ABLIM2: variants seen among roughly 807,000 people sequenced by gnomAD.
ABLIM2 encodes actin-binding LIM protein 2.
A neutral mutation model predicts 97.7 loss-of-function variants in ABLIM2; 53 were observed. The observed-to-expected ratio is 0.54, with a 90% CI of 0.44 to 0.68. ABLIM2 has a LOEUF of 0.68. Ranked by LOEUF, ABLIM2 falls within the 30% of genes least tolerant of loss-of-function variation. ABLIM2 has a pLI of 0.00. For missense variants in ABLIM2, 835 were observed against 867.2 expected, an observed-to-expected ratio of 0.96 and a Z score of 0.47; for synonymous variants, 361 against 345.8, an observed-to-expected ratio of 1.04 and a Z score of -0.49.
Position 8,130,553 on chromosome 4 carries a change from C to T in ABLIM2, c.11-23916G>A, listed in dbSNP as rs555887219. On this transcript the variant is annotated intron_variant, in intron 1 of 20. Transcript: ENST00000447017. The surrounding 1 kb of genome is among the most constrained non-coding windows in gnomAD (Gnocchi z 4.2). Reference sequence around the variant, plus strand: ...CGAGACACTGTGAGGTGGCGCCACGCTTGGCCCCGCATTACTGGGACTTGA... The same window carrying T: ...CGAGACACTGTGAGGTGGCGCCACGTTTGGCCCCGCATTACTGGGACTTGA... 1.3e-5 allele frequency among the ~76,000 whole-genome samples: 2 copies of T among 152,118 alleles called. No individual in the cohort carries two copies. Among genetic ancestry groups the T allele is most frequent in the African/African-American group, 4.8e-5 (2 of 41,492 alleles).
intron 8 of ABLIM2, among the ~76,000 whole-genome samples, chr4:8,051,521 G>C (rs1404199936): frequency 2.1e-5 from 3 of 141,202 alleles, no homozygotes; most frequent in Non-Finnish European, 3.0e-5. Context: ...CACGCCACTG[G>C]CCACTGCACT....
At chr4:7,984,994 C>G (rs963745801) in intron 17 of ABLIM2, 101 bp from the exon 18 acceptor site, 20 of 1,271,822 alleles carry the variant, frequency 1.6e-5, no homozygotes, top group African/African-American at 2.9e-5. Context: ...CCGAGGTCCT[C>G]GTGCTGCCTG....
intron 2 of ABLIM2, among the ~76,000 whole-genome samples, chr4:8,105,423 T>C (rs1368459869): frequency 6.6e-6 from 1 of 152,244 alleles, no homozygotes; most frequent in Non-Finnish European, 1.5e-5. Context: ...TTCAAGAGCC[T>C]GGCGCACAGC....
chr4:8,157,016 C>T (rs539950630), intron 1 of ABLIM2, among the ~76,000 whole-genome samples: 3 of 152,310 alleles, frequency 2.0e-5, no homozygotes, highest in African/African-American at 7.2e-5. Context: ...CCCAAACTAC[C>T]GAGGGCCTCC....
In ABLIM2 at chr4:8,124,391, G is replaced by T. The variant is rs1413324710; in HGVS notation, c.11-17754C>A. 3.3e-5 allele frequency among the ~76,000 whole-genome samples: 5 copies of T among 152,198 alleles called. No homozygotes were observed. Among genetic ancestry groups the T allele is most frequent in the Non-Finnish European group, 7.3e-5 (5 of 68,032 alleles). On this transcript the variant is annotated intron_variant, in intron 1 of 20. Coordinates refer to ENST00000447017, the MANE Select transcript of ABLIM2 (RefSeq NM_001130083.2). The surrounding 1 kb of genome is among the most constrained non-coding windows in gnomAD (Gnocchi z 6.1). ...TAGAAAATTTCCATCACCCCAAAAA[G>T]AAATGCTGCATCCTTTACTGTCACT...
intron 20 of ABLIM2, among the ~76,000 whole-genome samples, chr4:7,982,331 C>T (rs1035673767): frequency 1.3e-5 from 2 of 152,240 alleles, no homozygotes; most frequent in African/African-American, 4.8e-5. Context: ...GTCCCCTTTC[C>T]TTCAGGAGCC....
intron 6 of ABLIM2, among the ~76,000 whole-genome samples, chr4:8,074,198 A>G (rs2152372786): frequency 6.6e-6 from 1 of 152,106 alleles, no homozygotes; most frequent in South Asian, 2.1e-4. Context: ...TCACACCCCT[A>G]ATCCCAGCAC....
In ABLIM2 at chr4:8,113,845, G is replaced by A. The variant is rs1226085154; in HGVS notation, c.11-7208C>T. Among the ~76,000 whole-genome samples the A allele has an allele frequency of 6.6e-6, 1 of 152,230 alleles. No individual in the cohort carries two copies. The highest frequency in any genetic ancestry group is 1.5e-5 in the Non-Finnish European group (1 of 68,038). The stretch of plus-strand genomic sequence containing the variant: ...CCCAGAGCGGGTCACAGGACACACA[G>A]TTCCAGCTTCCCTTTCACACCTTTC... On this transcript the variant is annotated intron_variant, in intron 1 of 20. Transcript: ENST00000447017. This position sits in a 1 kb window ranked among gnomAD's most constrained non-coding sequence, Gnocchi z 4.5.
At chr4:8,154,946 G>T (rs746896932) in intron 1 of ABLIM2, among the ~76,000 whole-genome samples, 26 of 152,224 alleles carry the variant, frequency 1.7e-4, no homozygotes, top group Non-Finnish European at 3.1e-4. Flanking sequence ...GCAAGAGAGC[G>T]TGTGCAGGGG....
intron 14 of ABLIM2, among the ~76,000 whole-genome samples, chr4:8,009,791 C>G (rs1020126031): frequency 2.0e-5 from 3 of 152,196 alleles, no homozygotes; most frequent in African/African-American, 7.2e-5. Context: ...GCGAGGGGCT[C>G]TGGATACGCC....
At chr4:7,977,282 AG>A (rs1198223983) in intron 20 of ABLIM2, among the ~76,000 whole-genome samples, 1 of 152,180 alleles carries the variant, frequency 6.6e-6, no homozygotes, top group Admixed American at 6.5e-5. Flanking sequence ...CAGAACTGTG[AG>A]CAAATTAAAC....
intron 1 of ABLIM2, among the ~76,000 whole-genome samples, chr4:8,154,891 G>A (rs55662583): frequency 6.6e-6 from 1 of 152,342 alleles, no homozygotes; most frequent in African/African-American, 2.4e-5. Flanking sequence ...CGCAATCATG[G>A]CGGAAGACGA....
At position 8,015,484 on chromosome 4, in the gene ABLIM2, C is replaced by A. The variant is rs530474936; in HGVS notation, c.1423+4134G>T. 9.7e-4 allele frequency among the ~76,000 whole-genome samples: 147 copies of A among 152,246 alleles called. No homozygotes were observed. Among genetic ancestry groups the A allele is most frequent in the Admixed American group, 6.9e-3 (105 of 15,292 alleles). On this transcript the variant is annotated intron_variant, in intron 14 of 20. Transcript: ENST00000447017. The surrounding 1 kb of genome is among the most constrained non-coding windows in gnomAD (Gnocchi z 4.6). ...GTCCCCAAACCAAAATGAGACTCCACCCTTTGAGGTCAAAAAGGACCCAAA... is the reference window on the plus strand; with the variant it reads ...GTCCCCAAACCAAAATGAGACTCCAACCTTTGAGGTCAAAAAGGACCCAAA...
intron 1 of ABLIM2, among the ~76,000 whole-genome samples, chr4:8,139,800 G>A (rs1850695094): frequency 6.6e-6 from 1 of 152,142 alleles, no homozygotes; most frequent in Non-Finnish European, 1.5e-5. Context: ...ATACATGCAT[G>A]TGTATATTCA....
At position 8,123,750 on chromosome 4, in the gene ABLIM2, C is replaced by T. The variant is rs906127856; in HGVS notation, c.11-17113G>A. ...GCCTGTGGGTCTACACATGGGCAGG[C>T]AGGGGTGTGCCGGCATTGGGTCACA... On this transcript the variant is annotated intron_variant, in intron 1 of 20. Transcript: ENST00000447017. This position sits in a 1 kb window ranked among gnomAD's most constrained non-coding sequence, Gnocchi z 6.2. Among the ~76,000 whole-genome samples, 2 of 152,156 alleles carry T rather than the reference C, an allele frequency of 1.3e-5. No homozygotes were observed. Among genetic ancestry groups the T allele is most frequent in the African/African-American group, 2.4e-5 (1 of 41,438 alleles).
chr4:8,158,669 C>G lies in ABLIM2; in HGVS notation c.10+11G>C. 6.7e-7 allele frequency: 1 copy of G among 1,503,576 alleles called. No individual in the cohort carries two copies. The highest frequency in any genetic ancestry group is 1.2e-5 in the South Asian group (1 of 81,168). The allele number at this position is 1,503,576 out of a possible 1,614,324, so 93.1% of individuals were successfully genotyped here. A position where few individuals can be genotyped will look rare whatever the true frequency, so the allele number is the denominator to read the frequency against. On this transcript the variant is annotated intron_variant, in intron 1 of 20. Coordinates refer to ENST00000447017, the MANE Select transcript of ABLIM2 (RefSeq NM_001130083.2). ...CGGGGACCCGTTGGTCCCTCGGTCC[C>G]CAGCACCCACCTGCACTCATCTCAG...
At chr4:7,967,573 A>G (rs1046467960) in intron 20 of ABLIM2, among the ~76,000 whole-genome samples, 18 of 152,308 alleles carry the variant, frequency 1.2e-4, no homozygotes, top group African/African-American at 3.8e-4. Context: ...ACAGTGAGCA[A>G]GAATGCCAGG....
At position 8,069,559 on chromosome 4, in the gene ABLIM2, G is replaced by A. The variant is rs554953846; in HGVS notation, c.675+8069C>T. 9.2e-5 allele frequency among the ~76,000 whole-genome samples: 14 copies of A among 152,306 alleles called. No homozygotes were observed. The highest frequency in any genetic ancestry group is 2.6e-4 in the Admixed American group (4 of 15,292). ...CAGAGATGCGGCAAAGGGTGTGTGC[G>A]CATGTGCGTGTCTGTGTGTCTCTGT... is the stretch of plus-strand genomic sequence containing the variant. On this transcript the variant is annotated intron_variant, in intron 6 of 20. Transcript: ENST00000447017. The surrounding 1 kb of genome is among the most constrained non-coding windows in gnomAD (Gnocchi z 4.2).
intron 17 of ABLIM2, among the ~76,000 whole-genome samples, chr4:7,985,235 C>T (rs562126634): frequency 8.5e-5 from 13 of 152,344 alleles, no homozygotes; most frequent in Admixed American, 5.9e-4. Context: ...CTGGCACAGA[C>T]GACCACTGGG....
Sources: allele counts gnomAD v4.1 joint callset (sites outside exome capture counted in the v4.1 genomes callset), GRCh38; gene constraint gnomAD v4.1.1; non-coding constraint Gnocchi (gnomAD v3.1); transcripts MANE v1.5; gene names NCBI Gene and HGNC (gene_info 2026-07-23, HGNC 2026-07-21).